Variants in ADAMTS18 observed in about 807,000 individuals in gnomAD.
ADAMTS18 encodes ADAM metallopeptidase with thrombospondin type 1 motif 18.
Under a neutral mutation model 165.9 loss-of-function variants are expected in ADAMTS18, and 157 were observed. That is an observed-to-expected ratio of 0.95 (90% confidence interval 0.83 to 1.08). The LOEUF (loss-of-function observed/expected upper bound fraction) is 1.08. ADAMTS18 is among the 50% of genes least tolerant of loss of function. The pLI, the probability that ADAMTS18 is intolerant of heterozygous loss-of-function variation, is 0.00. For missense variants in ADAMTS18, 2,040 were observed against 1,534.0 expected (o/e 1.33, Z -5.51); for synonymous variants, 782 against 578.2 (o/e 1.35, Z -5.06).
At chr16:77,370,790 G>GATATATATATATATATATATATAT (rs148727471) in intron 3 of ADAMTS18, among the ~76,000 whole-genome samples, 7 of 147,000 alleles carry the variant, frequency 4.8e-5, no homozygotes, top group African/African-American at 1.8e-4. Flanking sequence ...TAATAGCTAC[G>GATATATATATATATATATATATAT]ATATATATAT....
At chr16:77,413,093 A>C (rs907140208) in intron 3 of ADAMTS18, among the ~76,000 whole-genome samples, 8 of 152,196 alleles carry the variant, frequency 5.3e-5, no homozygotes, top group Admixed American at 4.6e-4. Flanking sequence ...ATTCTGGCTA[A>C]TATGCACCCA....
At chr16:77,284,125 T>A in intron 22 of ADAMTS18, 54 bp from the exon 23 acceptor site, 6 of 661,826 alleles carry the variant, frequency 9.1e-6, no homozygotes, top group South Asian at 4.3e-5. Context: ...TCCTTTTTCT[T>A]TTTTTTTTTT....
Position 77,434,845 on chromosome 16 carries a change from G to C in ADAMTS18, c.-150C>G, listed in dbSNP as rs974100948. The C allele has an allele frequency of 2.2e-5, 13 of 583,500 alleles. No homozygotes were observed. Among genetic ancestry groups the C allele is most frequent in the Non-Finnish European group, 3.1e-5 (12 of 391,888 alleles). 36.1% of individuals were successfully genotyped at this position (583,500 alleles called of 1,614,324 possible). ...GCCGTTCACATCGCAGCGGGGGCGC[G>C]CTGGGACCTCCCCTCCTCCGGCCGC... On this transcript the variant is annotated 5_prime_UTR_variant, in exon 1 of 23. Transcript: ENST00000282849.
At chr16:77,307,522 G>A (rs751942059) in intron 16 of ADAMTS18, among the ~76,000 whole-genome samples, 6 of 152,192 alleles carry the variant, frequency 3.9e-5, no homozygotes, top group Non-Finnish European at 7.3e-5. Context: ...ATTCCTCAGA[G>A]TGTAGTGGGG....
intron 3 of ADAMTS18, among the ~76,000 whole-genome samples, chr16:77,420,002 T>TA (rs34486248): frequency 0.016 from 1,505 of 91,256 alleles, 27 homozygotes; most frequent in African/African-American, 0.026. Context: ...TGTCGCAGAT[T>TA]AAAAAAAAAA....
chr16:77,413,402 G>A (rs72801672), intron 3 of ADAMTS18, among the ~76,000 whole-genome samples: 21,192 of 152,182 alleles, frequency 0.14, 1,624 homozygotes, highest in Middle Eastern at 0.29. Flanking sequence ...CTGCCTTTCT[G>A]TGGAAATTAT....
chr16:77,360,639 G>A (rs1014605513), intron 7 of ADAMTS18, among the ~76,000 whole-genome samples: 6 of 152,084 alleles, frequency 3.9e-5, no homozygotes, highest in African/African-American at 1.4e-4. Flanking sequence ...GAATATGAAT[G>A]GATATATACC....
intron 3 of ADAMTS18, among the ~76,000 whole-genome samples, chr16:77,418,526 T>C (rs2057559218): frequency 6.6e-6 from 1 of 152,122 alleles, no homozygotes; most frequent in African/African-American, 2.4e-5. Context: ...AAGAAAGAAT[T>C]ATCCATCCTA....
At chr16:77,419,136 T>C (rs1278914921) in intron 3 of ADAMTS18, among the ~76,000 whole-genome samples, 1 of 145,512 alleles carries the variant, frequency 6.9e-6, no homozygotes, top group Non-Finnish European at 1.5e-5. Flanking sequence ...ATGACAGAGC[T>C]AGACTCCATC....
In ADAMTS18 at chr16:77,294,929, C is replaced by G. The variant is rs1252066649; in HGVS notation, c.3000G>C (p.Trp1000Cys). Residue 1000 changes from tryptophan to cysteine, a missense_variant, in exon 19 of 23, where the codon TGG becomes TGC. Trp to Cys is a radical substitution (Grantham distance 215). Transcript: ENST00000282849. The stretch of plus-strand genomic sequence containing the variant: ...CCAAGTTTTCTCCTGTTACCTGAGA[C>G]CAGGGTCCAAGGCTCCATTGTGGAG... ...ACPPQWSLGP[W>C]SQCSKTCGRG... is the part of the protein sequence containing the mutation. 1.2e-6 allele frequency: 2 copies of G among 1,614,094 alleles called. No individual in the cohort carries two copies. Among genetic ancestry groups the G allele is most frequent in the Non-Finnish European group, 8.5e-7 (1 of 1,180,004 alleles).
At chr16:77,331,143 T>C (rs1269072481) in intron 12 of ADAMTS18, among the ~76,000 whole-genome samples, 1 of 152,222 alleles carries the variant, frequency 6.6e-6, no homozygotes, top group Non-Finnish European at 1.5e-5. Flanking sequence ...CTATTAGGCA[T>C]CTCTAAATTA....
At chr16:77,291,121 C>G (rs1220117496) in intron 21 of ADAMTS18, 145 bp downstream of exon 21, 1 of 883,458 alleles carries the variant, frequency 1.1e-6, no homozygotes, top group African/African-American at 1.7e-5. Flanking sequence ...GGCCAAAGAA[C>G]AAAACCCATT....
At chr16:77,361,107 T>G (rs1443784055) in intron 7 of ADAMTS18, among the ~76,000 whole-genome samples, 1 of 151,956 alleles carries the variant, frequency 6.6e-6, no homozygotes, top group Non-Finnish European at 1.5e-5. Flanking sequence ...AAAAAATTCA[T>G]AAAGTTTTAT....
intron 10 of ADAMTS18, among the ~76,000 whole-genome samples, chr16:77,345,342 T>C (rs2056460182): frequency 6.6e-6 from 1 of 152,222 alleles, no homozygotes; most frequent in African/African-American, 2.4e-5. Context: ...ATATTCCCAT[T>C]GGTTCTGGTA....
At chr16:77,423,594 T>C (rs1374050387) in intron 3 of ADAMTS18, among the ~76,000 whole-genome samples, 1 of 152,150 alleles carries the variant, frequency 6.6e-6, no homozygotes, top group African/African-American at 2.4e-5. Context: ...ATAAAGAGTT[T>C]TCCCTGTGTT....
At chr16:77,356,985 A>ATTTTTTTTTTTTTTTTTTTTTTTTTT (rs4038549) in intron 8 of ADAMTS18, among the ~76,000 whole-genome samples, 1 of 140,540 alleles carries the variant, frequency 7.1e-6, no homozygotes, top group Non-Finnish European at 1.5e-5. Context: ...CTTTTCTGAA[A>ATTTTTTTTTTTTTTTTTTTTTTTTTT]TTTTTTTTTT....
chr16:77,415,008 G>T (rs1432098131), intron 3 of ADAMTS18, among the ~76,000 whole-genome samples: 1 of 152,204 alleles, frequency 6.6e-6, no homozygotes, highest in Non-Finnish European at 1.5e-5. Context: ...ACACAGAGAG[G>T]TGAGTAATAA....
At chr16:77,377,116 C>G (rs185671) in intron 3 of ADAMTS18, among the ~76,000 whole-genome samples, 1 of 151,978 alleles carries the variant, frequency 6.6e-6, no homozygotes. Context: ...CATCCGGCCT[C>G]AAGGGCCAAA....
At chr16:77,297,025 A>T (rs1258384493) in intron 18 of ADAMTS18, among the ~76,000 whole-genome samples, 3 of 152,224 alleles carry the variant, frequency 2.0e-5, no homozygotes, top group Non-Finnish European at 4.4e-5. Flanking sequence ...ACCCAGGCTA[A>T]TATGTAAGTG....
Sources: gnomAD v4.1 joint callset for allele counts (sites outside exome capture counted in the v4.1 genomes callset) on GRCh38, gnomAD v4.1.1 for gene constraint, MANE v1.5 for transcripts, NCBI Gene and HGNC (gene_info 2026-07-23, HGNC 2026-07-21) for gene names.